Variants in DSCAM observed in about 807,000 individuals in gnomAD.
DSCAM encodes the protein cell adhesion molecule DSCAM.
Under a neutral mutation model 217.7 loss-of-function variants are expected in DSCAM, and 47 were observed. That is an observed-to-expected ratio of 0.22 (90% CI 0.17 to 0.28). DSCAM has a LOEUF of 0.28. DSCAM is among the 10% of genes least tolerant of loss of function. The probability of loss-of-function intolerance (pLI) is 1.00; values close to 1 mark genes in which losing one functional copy is unlikely to be tolerated. For synonymous variants in DSCAM, 1,056 were observed against 1,015.3 expected (o/e 1.04, Z -0.76); for missense variants, 2,080 against 2,618.3 (o/e 0.79, Z 4.49).
intron 3 of DSCAM, among the ~76,000 whole-genome samples, chr21:40,493,976 T>A (rs1439734383): frequency 6.6e-6 from 1 of 151,370 alleles, no homozygotes; most frequent in African/African-American, 2.4e-5. Flanking sequence ...TAGCTTAAAA[T>A]AGCCTGTTAT....
intron 11 of DSCAM, among the ~76,000 whole-genome samples, chr21:40,220,927 C>T (rs1486950701): frequency 6.6e-6 from 1 of 152,178 alleles, no homozygotes; most frequent in Non-Finnish European, 1.5e-5. Flanking sequence ...TGTCTGAGGT[C>T]ACTCCATCAA....
intron 11 of DSCAM, among the ~76,000 whole-genome samples, chr21:40,224,761 T>C (rs2091316654): frequency 6.6e-6 from 1 of 152,224 alleles, no homozygotes; most frequent in Non-Finnish European, 1.5e-5. Context: ...TCAGAGACAC[T>C]GCATCCTCTC....
At position 40,360,854 on chromosome 21, in the gene DSCAM, T is replaced by A. The variant is rs112989887; in HGVS notation, c.656-7111A>T. Among the ~76,000 whole-genome samples the A allele has an allele frequency of 3.3e-3, 510 of 152,278 alleles. 2 individuals carry two copies. Among genetic ancestry groups the A allele is most frequent in the African/African-American group, 0.011 (477 of 41,564 alleles). ...TCAGTAATGGGATTGCTGGGTCAAA[T>A]GGTAGCTCTATTTTAAGTTCTTTGA... is the stretch of plus-strand genomic sequence containing the variant. On this transcript the variant is annotated intron_variant, in intron 4 of 32. Transcript: ENST00000400454.
chr21:40,118,892 GT>G (rs2090002573), intron 20 of DSCAM, among the ~76,000 whole-genome samples: 1 of 152,182 alleles, frequency 6.6e-6, no homozygotes, highest in Admixed American at 6.5e-5. Flanking sequence ...CTGGGTATGG[GT>G]TTGGAGCGTA....
chr21:40,216,592 A>C (rs530919750), intron 11 of DSCAM, among the ~76,000 whole-genome samples: 24 of 152,368 alleles, frequency 1.6e-4, no homozygotes, highest in East Asian at 1.2e-3. Flanking sequence ...AACCAAAGTG[A>C]GAACTGTGAG....
Position 40,085,660 on chromosome 21 carries a change from G to A in DSCAM, c.4074C>T (p.Ser1358=). 6.3e-7 allele frequency: 1 copy of A among 1,592,606 alleles called. No individual in the cohort carries two copies. Among genetic ancestry groups the A allele is most frequent in the African/African-American group, 1.3e-5 (1 of 74,820 alleles). Residue 1358 remains serine (S), a synonymous_variant, in exon 23 of 33, where the codon AGC becomes AGT. Coordinates refer to ENST00000400454, the MANE Select transcript of DSCAM (RefSeq NM_001389.5). ...TVKAEDSGYY[S]CIANNNWGSD... ...ATCCCCAGTTGTTATTGGCAATGCA[G>A]CTGTAATAGCCGGAGTCTTCTGCTT...
At chr21:40,449,595 T>C (rs953217487) in intron 3 of DSCAM, among the ~76,000 whole-genome samples, 4 of 152,218 alleles carry the variant, frequency 2.6e-5, no homozygotes, top group Non-Finnish European at 2.9e-5. Flanking sequence ...TAATGCTATA[T>C]TCTAAACAGT....
intron 3 of DSCAM, among the ~76,000 whole-genome samples, chr21:40,598,366 C>T (rs1439583155): frequency 6.6e-6 from 1 of 152,066 alleles, no homozygotes; most frequent in Non-Finnish European, 1.5e-5. Flanking sequence ...AGTTCGGTTG[C>T]CTTTAGTAAA....
At chr21:40,498,543 T>G (rs967473966) in intron 3 of DSCAM, among the ~76,000 whole-genome samples, 10 of 150,694 alleles carry the variant, frequency 6.6e-5, no homozygotes, top group African/African-American at 2.4e-4. Context: ...TCAGGATTTA[T>G]AAGCACATGT....
At chr21:40,827,722 G>A (rs2091981499) in intron 1 of DSCAM, among the ~76,000 whole-genome samples, 1 of 152,128 alleles carries the variant, frequency 6.6e-6, no homozygotes, top group African/African-American at 2.4e-5. Context: ...AGAAGTTGCT[G>A]CAACATTCAA....
intron 1 of DSCAM, among the ~76,000 whole-genome samples, chr21:40,844,837 A>G (rs950693634): frequency 1.3e-5 from 2 of 152,202 alleles, no homozygotes; most frequent in Non-Finnish European, 2.9e-5. Flanking sequence ...ATACTGGCTG[A>G]CTGACAACCA....
At chr21:40,047,568 A>G (rs1278045416) in intron 30 of DSCAM, among the ~76,000 whole-genome samples, 1 of 152,178 alleles carries the variant, frequency 6.6e-6, no homozygotes, top group African/African-American at 2.4e-5. Flanking sequence ...TTGGGATGAG[A>G]GAGGATTTTG....
In DSCAM at chr21:40,078,926, C is replaced by A; in HGVS notation, c.4472G>T (p.Arg1491Leu). ...QELFASINTT[R>L]VRLNLIGWND... is the part of the protein sequence containing the mutation. ...CCAGCCAATGAGGTTCAGCCTCACG[C>A]GTGTGGTGTTGATGCTGGCAAACAG... The change falls in exon 26 of 33, where the codon CGC becomes CTC. Residue 1491 changes from arginine to leucine, a missense_variant. Arg to Leu is a moderately radical substitution (Grantham distance 102). Around this residue, in one of 5 missense-constraint regions of DSCAM, gnomAD observed 1,144 missense variants for 1,421.1 expected, o/e 0.81. Coordinates refer to ENST00000400454, the MANE Select transcript of DSCAM (RefSeq NM_001389.5). 7 of 1,614,208 alleles carry A rather than the reference C, an allele frequency of 4.3e-6. No homozygotes were observed. The highest frequency in any genetic ancestry group is 5.9e-6 in the Non-Finnish European group (7 of 1,180,040).
At chr21:40,202,215 C>T (rs1411463716) in intron 11 of DSCAM, among the ~76,000 whole-genome samples, 1 of 152,218 alleles carries the variant, frequency 6.6e-6, no homozygotes, top group Non-Finnish European at 1.5e-5. Context: ...CCACCCTTCA[C>T]TCTTATATTC....
At chr21:40,235,388 TA>T (rs1016385339) in intron 11 of DSCAM, among the ~76,000 whole-genome samples, 1 of 152,224 alleles carries the variant, frequency 6.6e-6, no homozygotes, top group African/African-American at 2.4e-5. Flanking sequence ...TGGAGGCATT[TA>T]TTTTCTTTCG....
At chr21:40,090,352 A>T (rs983027990) in intron 21 of DSCAM, among the ~76,000 whole-genome samples, 7 of 151,910 alleles carry the variant, frequency 4.6e-5, no homozygotes, top group South Asian at 4.2e-4. Flanking sequence ...CTTCCAGGTG[A>T]TGTGTGTTGA....
At chr21:40,730,943 G>A (rs1338595052) in intron 1 of DSCAM, among the ~76,000 whole-genome samples, 1 of 152,116 alleles carries the variant, frequency 6.6e-6, no homozygotes, top group African/African-American at 2.4e-5. Context: ...ATGACCCCAA[G>A]TCACTACCTA....
At chr21:40,774,474 T>C (rs555012526) in intron 1 of DSCAM, among the ~76,000 whole-genome samples, 50 of 152,366 alleles carry the variant, frequency 3.3e-4, no homozygotes, top group Non-Finnish European at 6.3e-4. Context: ...GTTCCTTTCC[T>C]TCTTTGTTGC....
chr21:40,811,251 AC>A (rs1277023998), intron 1 of DSCAM, among the ~76,000 whole-genome samples: 1 of 152,206 alleles, frequency 6.6e-6, no homozygotes, highest in African/African-American at 2.4e-5. Context: ...TTAAATACAA[AC>A]AGACTTTTCG....
Sources: gnomAD v4.1 joint callset for allele counts (sites outside exome capture counted in the v4.1 genomes callset) on GRCh38, gnomAD v4.1.1 for gene constraint, gnomAD v4.1.1 regional missense constraint, MANE v1.5 for transcripts, NCBI Gene and HGNC (gene_info 2026-07-23, HGNC 2026-07-21) for gene names.